Variants in ATP8B4 observed in about 807,000 individuals in gnomAD.
ATP8B4 encodes the protein probable phospholipid-transporting ATPase IM.
ATP8B4 carries 133 observed loss-of-function variants against 145.6 expected under a neutral mutation model. The observed-to-expected ratio is 0.91, with a 90% CI of 0.79 to 1.05. The LOEUF (loss-of-function observed/expected upper bound fraction) is 1.05, where lower values mean the gene tolerates loss of function less well. Among genes scored for constraint, ATP8B4 ranks in the 50% least tolerant of loss-of-function variants. The probability of loss-of-function intolerance (pLI) is 0.00; values close to 1 mark genes in which losing one functional copy is unlikely to be tolerated. For synonymous variants in ATP8B4, 507 were observed against 492.9 expected (o/e 1.03, Z -0.38); for missense variants, 1,458 against 1,425.2 (o/e 1.02, Z -0.37).
At chr15:50,102,558 T>C (rs1009159289) in intron 2 of ATP8B4, among the ~76,000 whole-genome samples, 4 of 151,758 alleles carry the variant, frequency 2.6e-5, no homozygotes, top group Non-Finnish European at 4.4e-5. Context: ...AAACAGAAAC[T>C]CTGAACAGAC....
intron 1 of ATP8B4, among the ~76,000 whole-genome samples, chr15:50,166,104 A>G (rs1355192149): frequency 6.6e-6 from 1 of 152,196 alleles, no homozygotes; most frequent in African/African-American, 2.4e-5. Context: ...GAAACTCTGT[A>G]AGTCACAAGA....
intron 1 of ATP8B4, among the ~76,000 whole-genome samples, chr15:50,154,195 T>C (rs2044384314): frequency 2.6e-5 from 4 of 152,312 alleles, no homozygotes; most frequent in Middle Eastern, 6.8e-3. Context: ...CTAATCATTT[T>C]ACTTAAGGAC....
chr15:50,066,553 C>T (rs940783061), intron 3 of ATP8B4, among the ~76,000 whole-genome samples: 3 of 152,052 alleles, frequency 2.0e-5, no homozygotes, highest in African/African-American at 4.8e-5. Context: ...CCCATCAGTC[C>T]GGGGATGTGT....
intron 20 of ATP8B4, among the ~76,000 whole-genome samples, chr15:49,906,254 TTTC>T (rs1409571870): frequency 6.6e-6 from 1 of 152,224 alleles, no homozygotes; most frequent in Non-Finnish European, 1.5e-5. Flanking sequence ...GTTCACTTAT[TTTC>T]TTAAGGGAAA....
intron 8 of ATP8B4, among the ~76,000 whole-genome samples, chr15:49,997,402 G>A (rs185054303): frequency 1.1e-4 from 16 of 152,150 alleles, no homozygotes; most frequent in African/African-American, 2.2e-4. Flanking sequence ...CATCACTTAC[G>A]TCTTGTTTTA....
chr15:50,137,092 T>G (rs1420413572), intron 1 of ATP8B4, among the ~76,000 whole-genome samples: 1 of 152,182 alleles, frequency 6.6e-6, no homozygotes, highest in African/African-American at 2.4e-5. Context: ...TCAAGCACTG[T>G]GCAAGAGGCT....
chr15:49,920,112 C>T, intron 18 of ATP8B4, 134 bp downstream of exon 18: 2 of 1,190,356 alleles, frequency 1.7e-6, no homozygotes, highest in South Asian at 3.0e-5. Context: ...ACATATAAAG[C>T]ATGATTCAGT....
At chr15:50,046,119 T>C (rs535475909) in intron 4 of ATP8B4, among the ~76,000 whole-genome samples, 1 of 151,090 alleles carries the variant, frequency 6.6e-6, no homozygotes, top group Admixed American at 6.6e-5. Context: ...GTTTGGCATA[T>C]GATCTTGGTT....
At chr15:49,950,616 A>AAAAAAAAAAAAAAAAAACAACAAC (rs1567059687) in intron 14 of ATP8B4, among the ~76,000 whole-genome samples, 1 of 100,268 alleles carries the variant, frequency 1.0e-5, no homozygotes, top group Non-Finnish European at 1.8e-5. Flanking sequence ...ACAAACAAAC[A>AAAAAAAAAAAAAAAAAACAACAAC]AACAAAAAAA....
rs1476807304 is a variant in ATP8B4, at chr15:50,174,530, C to T, written c.-43+7731G>A. On this transcript the variant is annotated intron_variant, in intron 1 of 3. Transcript: ENST00000558829. ...CAAGCAGAGAATCAAATCAAGCACT[C>T]GATCCCTTTTACAATCACTGCAAAA... Among the ~76,000 whole-genome samples, 17 of 148,478 alleles carry T rather than the reference C, an allele frequency of 1.1e-4. No homozygotes were observed. The East Asian group carries it at 3.0e-3, about 26-fold the overall frequency.
At chr15:50,051,709 A>G (rs1160943360) in intron 3 of ATP8B4, among the ~76,000 whole-genome samples, 1 of 152,138 alleles carries the variant, frequency 6.6e-6, no homozygotes, top group Non-Finnish European at 1.5e-5. Context: ...ATTCTGTTTT[A>G]TATTTTCCTT....
intron 1 of ATP8B4, among the ~76,000 whole-genome samples, chr15:50,111,067 A>T (rs2056916061): frequency 6.6e-6 from 1 of 152,234 alleles, no homozygotes; most frequent in Non-Finnish European, 1.5e-5. Context: ...CAAGACCTCC[A>T]TGCTGGAACT....
chr15:50,046,607 C>A (rs1208150038), intron 4 of ATP8B4, among the ~76,000 whole-genome samples: 1 of 152,198 alleles, frequency 6.6e-6, no homozygotes, highest in East Asian at 1.9e-4. Flanking sequence ...TTAATCTAAT[C>A]CATCTTCTTA....
intron 1 of ATP8B4, among the ~76,000 whole-genome samples, chr15:50,172,071 G>GA (rs1459264259): frequency 1.3e-5 from 2 of 151,946 alleles, no homozygotes; most frequent in African/African-American, 4.8e-5. Context: ...AAATTACCAA[G>GA]AAAAAAAAGT....
Position 50,107,005 on chromosome 15 carries a change from C to T in ATP8B4, c.-39G>A. ...CTTTCACCAGGTCTCAACAGGTGGC[C>T]TACCTAAGAAAAAGAAGTATGCATA... On this transcript the variant is annotated 5_prime_UTR_variant, in exon 2 of 28. Coordinates refer to ENST00000284509, the MANE Select transcript of ATP8B4 (RefSeq NM_024837.4). 7 of 1,537,832 alleles carry T rather than the reference C, an allele frequency of 4.6e-6. No individual in the cohort carries two copies. The highest frequency in any genetic ancestry group is 2.4e-5 in the East Asian group (1 of 42,454).
intron 11 of ATP8B4, 148 bp downstream of exon 11, chr15:49,981,058 G>A: frequency 1.8e-6 from 1 of 551,450 alleles, no homozygotes; most frequent in East Asian, 3.1e-5. Context: ...CTAGAAAATA[G>A]AAGGCAGTAT....
intron 20 of ATP8B4, among the ~76,000 whole-genome samples, chr15:49,913,603 T>A (rs906208883): frequency 6.6e-6 from 1 of 152,174 alleles, no homozygotes; most frequent in Non-Finnish European, 1.5e-5. Context: ...AGCAACATGA[T>A]CTTACATTCA....
intron 2 of ATP8B4, among the ~76,000 whole-genome samples, chr15:50,105,065 A>T (rs1263936854): frequency 1.3e-5 from 2 of 152,148 alleles, no homozygotes; most frequent in African/African-American, 4.8e-5. Flanking sequence ...ATGCAAAGGC[A>T]TAAGAATGAT....
rs149904589 is a variant in ATP8B4 at position 50,116,184 on chromosome 15, G to A, written c.-43+2939C>T. Among the ~76,000 whole-genome samples, 151 of 152,278 alleles carry A rather than the reference G, an allele frequency of 9.9e-4. 4 individuals are homozygous for A. In the East Asian group the frequency reaches 0.025, roughly 25 times the overall value. ...CGTAATTCCAGCACTTTGGAAGGCCGAGGCAGATGGATTGCTTGAGCCCAG... is the reference window on the plus strand; with the variant it reads ...CGTAATTCCAGCACTTTGGAAGGCCAAGGCAGATGGATTGCTTGAGCCCAG... On this transcript the variant is annotated intron_variant, in intron 1 of 27. Transcript: ENST00000284509.
Sources: allele counts gnomAD v4.1 joint callset (sites outside exome capture counted in the v4.1 genomes callset), GRCh38; gene constraint gnomAD v4.1.1; transcripts MANE v1.5; gene names NCBI Gene and HGNC (gene_info 2026-07-23, HGNC 2026-07-21).